CALN1: variants seen among roughly 807,000 people sequenced by gnomAD.
CALN1 encodes calneuron 1.
CALN1 carries 17 observed loss-of-function variants against 30.6 expected under a neutral mutation model. That is an observed-to-expected ratio of 0.56 (90% CI 0.38 to 0.83). The LOEUF (loss-of-function observed/expected upper bound fraction) is 0.83, where lower values mean the gene tolerates loss of function less well. Ranked by LOEUF, CALN1 falls within the 40% of genes least tolerant of loss-of-function variation. The pLI, the probability that CALN1 is intolerant of heterozygous loss-of-function variation, is 0.00. For synonymous variants in CALN1, 156 were observed against 131.4 expected (o/e 1.19, Z -1.28); for missense variants, 291 against 354.9 (o/e 0.82, Z 1.45).
chr7:72,405,576 C>G (rs568325879), intron 1 of CALN1, among the ~76,000 whole-genome samples: 2 of 152,330 alleles, frequency 1.3e-5, no homozygotes, highest in African/African-American at 4.8e-5. Context: ...CTCTCTTACA[C>G]ATGCCTATGA....
chr7:71,863,244 G>T (rs1369161022), intron 5 of CALN1, among the ~76,000 whole-genome samples: 1 of 151,378 alleles, frequency 6.6e-6, no homozygotes, highest in African/African-American at 2.4e-5. Flanking sequence ...GAGCAACTGA[G>T]TGAGACCCTC....
At chr7:71,863,584 G>GA (rs1465600702) in intron 5 of CALN1, among the ~76,000 whole-genome samples, 1 of 97,918 alleles carries the variant, frequency 1.0e-5, no homozygotes, top group Non-Finnish European at 2.2e-5. Flanking sequence ...AAAAAAAAAA[G>GA]AAGAAAGAAA....
At chr7:71,953,590 A>G (rs1796807638) in intron 5 of CALN1, among the ~76,000 whole-genome samples, 1 of 152,122 alleles carries the variant, frequency 6.6e-6, no homozygotes, top group Admixed American at 6.6e-5. Flanking sequence ...CACGCCTATT[A>G]ACAGCATTTT....
chr7:72,349,610 T>G (rs1042053227), intron 2 of CALN1, among the ~76,000 whole-genome samples: 1 of 152,244 alleles, frequency 6.6e-6, no homozygotes, highest in East Asian at 1.9e-4. Context: ...GGAACATTTT[T>G]AATGTGCTGA....
chr7:71,846,914 ATATATG>A (rs1790291694), intron 5 of CALN1, among the ~76,000 whole-genome samples: 2 of 146,762 alleles, frequency 1.4e-5, no homozygotes, highest in African/African-American at 5.0e-5. Flanking sequence ...ATATACATAC[ATATATG>A]TATATTATAT....
At chr7:72,495,770 G>A in the CALN1 span, among the ~76,000 whole-genome samples, 1 of 152,172 alleles carries the variant, frequency 6.6e-6, no homozygotes, top group African/African-American at 2.4e-5. Flanking sequence ...TGAAGCTGAT[G>A]GATAGAAAGC....
intron 3 of CALN1, among the ~76,000 whole-genome samples, chr7:72,127,608 T>G (rs186989560): frequency 1.3e-5 from 2 of 152,110 alleles, no homozygotes; most frequent in African/African-American, 4.8e-5. Flanking sequence ...CAGGGTGTTC[T>G]GAAAACTGGG....
Position 72,271,575 on chromosome 7 carries a change from A to AAAAT in CALN1, c.244+7110_244+7111insATTT. Among the ~76,000 whole-genome samples the AAAAT allele has an allele frequency of 2.9e-4, 15 of 52,122 alleles. 2 individuals are homozygous for AAAAT. The highest frequency in any genetic ancestry group is 1.2e-3 in the Admixed American group (6 of 5,098). The allele number at this position is 52,122 out of a possible 152,430, so 34.2% of individuals were successfully genotyped here. On this transcript the variant is annotated intron_variant, in intron 3 of 6. Coordinates refer to ENST00000395275, the MANE Select transcript of CALN1 (RefSeq NM_031468.4). ...CTGTGCCTGCCTTTTAAAAAAAAAAAATATATATATATATATATAGTTTTC... is the reference window on the plus strand; with the variant it reads ...CTGTGCCTGCCTTTTAAAAAAAAAAAAAATATATATATATATATATATAGTTTTC...
chr7:72,306,471 A>G (rs1250967792), intron 2 of CALN1, among the ~76,000 whole-genome samples: 1 of 152,138 alleles, frequency 6.6e-6, no homozygotes, highest in Non-Finnish European at 1.5e-5. Flanking sequence ...CCAGGTCTTT[A>G]GACAAACTCA....
At chr7:72,066,236 C>G (rs945652026) in intron 4 of CALN1, among the ~76,000 whole-genome samples, 1 of 152,230 alleles carries the variant, frequency 6.6e-6, no homozygotes, top group East Asian at 1.9e-4. Flanking sequence ...TTCCATCAGG[C>G]ACTGGCTTCA....
At chr7:71,836,622 CTTTT>C (rs756689224) in intron 5 of CALN1, among the ~76,000 whole-genome samples, 3 of 132,624 alleles carry the variant, frequency 2.3e-5, no homozygotes, top group African/African-American at 5.6e-5. Context: ...CTCTCTGTCT[CTTTT>C]TTTTTTTTTT....
At chr7:72,126,974 T>A (rs1451863697) in intron 3 of CALN1, among the ~76,000 whole-genome samples, 1 of 151,998 alleles carries the variant, frequency 6.6e-6, no homozygotes, top group Non-Finnish European at 1.5e-5. Flanking sequence ...CCAATAACTA[T>A]TGAAATAAAT....
At chr7:71,957,980 T>C (rs1031959046) in intron 5 of CALN1, among the ~76,000 whole-genome samples, 1 of 147,454 alleles carries the variant, frequency 6.8e-6, no homozygotes, top group African/African-American at 2.5e-5. Flanking sequence ...CAGGAGAATC[T>C]CTTGAACCTG....
At chr7:71,912,667 G>A (rs1794485522) in intron 5 of CALN1, among the ~76,000 whole-genome samples, 1 of 152,136 alleles carries the variant, frequency 6.6e-6, no homozygotes, top group Non-Finnish European at 1.5e-5. Context: ...GCGAACCCAG[G>A]AATTTGGCAG....
intron 5 of CALN1, among the ~76,000 whole-genome samples, chr7:71,887,369 T>C (rs887798386): frequency 6.6e-6 from 1 of 152,168 alleles, no homozygotes. Context: ...AATCTCGGCT[T>C]ACCGCAACCT....
At position 72,424,176 on chromosome 7, in the gene CALN1, A is replaced by C. The variant is rs542199585; in HGVS notation, c.-225-11901T>G. On this transcript the variant is annotated intron_variant, in intron 1 of 6. Coordinates refer to the CALN1 transcript ENST00000395276. ...CTGGGAAAGGCAACAGGGAGAGGCC[A>C]ACCCTGCCCTCAGTCTCAGGTGTCC... 4.6e-5 allele frequency among the ~76,000 whole-genome samples: 7 copies of C among 152,268 alleles called. No homozygotes were observed. In the South Asian group the frequency reaches 6.2e-4, roughly 14 times the overall value.
At chr7:72,480,983 C>CGA in the CALN1 span, among the ~76,000 whole-genome samples, 1 of 152,100 alleles carries the variant, frequency 6.6e-6, no homozygotes, top group Non-Finnish European at 1.5e-5. Flanking sequence ...TTGAGACTCT[C>CGA]GCTCTGTTGC....
At chr7:72,427,926 C>A (rs1807849692) in intron 1 of CALN1, among the ~76,000 whole-genome samples, 1 of 152,118 alleles carries the variant, frequency 6.6e-6, no homozygotes, top group Non-Finnish European at 1.5e-5. Context: ...TCCTCACTGC[C>A]TAACCCCTGC....
In CALN1 at chr7:72,336,889, G is replaced by A. The variant is rs1372254926; in HGVS notation, c.120-58079C>T. 33 of 984,636 alleles carry A rather than the reference G, an allele frequency of 3.4e-5. No individual in the cohort carries two copies. In the East Asian group the frequency reaches 3.4e-4, roughly 10 times the overall value. The allele number at this position is 984,636 out of a possible 1,614,324, so 61.0% of individuals were successfully genotyped here. A position where few individuals can be genotyped will look rare whatever the true frequency, so the allele number is the denominator to read the frequency against. On this transcript the variant is annotated intron_variant, in intron 2 of 6. Transcript: ENST00000395275. ...CCGTGCCGGCATCCTCGCTGCCGCC[G>A]GCTCCCTCGGCGCCCCCGGGCCGCT...
Sources: allele counts gnomAD v4.1 joint callset (sites outside exome capture counted in the v4.1 genomes callset), GRCh38; gene constraint gnomAD v4.1.1; transcripts MANE v1.5; gene names NCBI Gene and HGNC (gene_info 2026-07-23, HGNC 2026-07-21).